Variants in GALNTL6 observed in about 807,000 individuals in gnomAD.
GALNTL6 encodes polypeptide N-acetylgalactosaminyltransferase-like 6.
In GALNTL6, 46 loss-of-function variants were observed where a neutral mutation model predicts 73.7. The ratio of observed to expected loss-of-function variants is 0.62; its 90% CI spans 0.49 to 0.80. The LOEUF is 0.80. GALNTL6 is among the 30% of genes least tolerant of loss of function. The pLI, the probability that GALNTL6 is intolerant of heterozygous loss-of-function variation, is 0.00. For synonymous variants in GALNTL6, 259 were observed against 263.7 expected, an observed-to-expected ratio of 0.98 and a Z score of 0.17; for missense variants, 604 against 755.0, an observed-to-expected ratio of 0.80 and a Z score of 2.34.
At chr4:172,583,893 CAAAAAAAA>C (rs57722016) in intron 5 of GALNTL6, among the ~76,000 whole-genome samples, 3,695 of 31,490 alleles carry the variant, frequency 0.12, 126 homozygotes, top group African/African-American at 0.25. Context: ...GACTCTGTCT[CAAAAAAAA>C]AAAAAAAAAA....
intron 5 of GALNTL6, among the ~76,000 whole-genome samples, chr4:172,663,342 G>A (rs1227959313): frequency 1.3e-5 from 2 of 152,132 alleles, no homozygotes; most frequent in Non-Finnish European, 1.5e-5. Context: ...AATGCAATCG[G>A]ACTACCAGCC....
chr4:173,012,707 C>T (rs1296252742), intron 11 of GALNTL6, among the ~76,000 whole-genome samples: 1 of 152,240 alleles, frequency 6.6e-6, no homozygotes, highest in Non-Finnish European at 1.5e-5. Context: ...TCCTGCCTTC[C>T]TTCTCTCAAA....
chr4:172,089,738 C>G (rs935881403), intron 2 of GALNTL6, among the ~76,000 whole-genome samples: 1 of 152,106 alleles, frequency 6.6e-6, no homozygotes, highest in African/African-American at 2.4e-5. Context: ...TTCTGGGTTA[C>G]ATGTGAAGAA....
intron 5 of GALNTL6, among the ~76,000 whole-genome samples, chr4:172,733,985 G>A (rs1202078015): frequency 6.6e-6 from 1 of 152,186 alleles, no homozygotes; most frequent in Non-Finnish European, 1.5e-5. Context: ...GAACTTCCTA[G>A]AGACTTGTTG....
At chr4:172,338,612 G>T (rs983632179) in intron 4 of GALNTL6, among the ~76,000 whole-genome samples, 1 of 152,110 alleles carries the variant, frequency 6.6e-6, no homozygotes, top group Admixed American at 6.5e-5. Flanking sequence ...TATCACTTCT[G>T]GGTAAAAGCC....
intron 5 of GALNTL6, among the ~76,000 whole-genome samples, chr4:172,682,541 T>C (rs1732685854): frequency 6.6e-6 from 1 of 152,178 alleles, no homozygotes; most frequent in Admixed American, 6.6e-5. Flanking sequence ...CACTAGTATG[T>C]GAATTTCAGA....
intron 5 of GALNTL6, among the ~76,000 whole-genome samples, chr4:172,712,194 A>C (rs1006993607): frequency 6.6e-6 from 1 of 152,222 alleles, no homozygotes; most frequent in Non-Finnish European, 1.5e-5. Flanking sequence ...TAAGAAAAAA[A>C]CTTGCTACAA....
intron 2 of GALNTL6, among the ~76,000 whole-genome samples, chr4:172,049,542 A>G (rs1197205850): frequency 6.6e-6 from 1 of 152,174 alleles, no homozygotes; most frequent in Non-Finnish European, 1.5e-5. Context: ...ATATAATCAT[A>G]GAATTGCACA....
intron 5 of GALNTL6, among the ~76,000 whole-genome samples, chr4:172,486,059 A>G (rs1371689400): frequency 6.6e-6 from 1 of 152,198 alleles, no homozygotes. Flanking sequence ...GGTAGCATCT[A>G]AACTGCTCAG....
intron 2 of GALNTL6, among the ~76,000 whole-genome samples, chr4:172,193,803 C>G (rs973675627): frequency 1.3e-5 from 2 of 152,106 alleles, no homozygotes; most frequent in African/African-American, 4.8e-5. Context: ...GCGGAACTTG[C>G]AGTGAGCTGA....
chr4:172,712,567 C>G (rs1734776726), intron 5 of GALNTL6, among the ~76,000 whole-genome samples: 1 of 151,952 alleles, frequency 6.6e-6, no homozygotes, highest in Non-Finnish European at 1.5e-5. Flanking sequence ...TCTGGTGGTC[C>G]TTGAGGTAAT....
At chr4:172,846,418 T>A (rs896497192) in intron 7 of GALNTL6, among the ~76,000 whole-genome samples, 1 of 152,192 alleles carries the variant, frequency 6.6e-6, no homozygotes, top group African/African-American at 2.4e-5. Flanking sequence ...CATCTCGTTA[T>A]CTGTCTTCTG....
At chr4:171,843,516 C>T (rs113602068) in intron 2 of GALNTL6, among the ~76,000 whole-genome samples, 46 of 152,060 alleles carry the variant, frequency 3.0e-4, no homozygotes, top group African/African-American at 1.1e-3. Context: ...TATTTAGATT[C>T]TACCTATTTT....
At chr4:171,997,274 T>A (rs1740522341) in intron 2 of GALNTL6, among the ~76,000 whole-genome samples, 1 of 152,028 alleles carries the variant, frequency 6.6e-6, no homozygotes, top group Non-Finnish European at 1.5e-5. Context: ...CCAATCAGCT[T>A]TTACCACTTC....
chr4:172,217,342 A>G (rs183945776), intron 2 of GALNTL6, among the ~76,000 whole-genome samples: 52 of 152,310 alleles, frequency 3.4e-4, no homozygotes, highest in African/African-American at 1.2e-3. Context: ...GTAAGTCGCA[A>G]TATATAGGGT....
At chr4:172,180,338 G>A (rs1186396742) in intron 2 of GALNTL6, among the ~76,000 whole-genome samples, 4 of 151,738 alleles carry the variant, frequency 2.6e-5, no homozygotes, top group Admixed American at 1.3e-4. Context: ...TCTAGATTCT[G>A]GATATTAGCC....
At chr4:172,584,322 T>G (rs981455497) in intron 5 of GALNTL6, among the ~76,000 whole-genome samples, 1 of 152,052 alleles carries the variant, frequency 6.6e-6, no homozygotes, top group African/African-American at 2.4e-5. Flanking sequence ...AAATTACATG[T>G]GAGAGAAAGA....
rs943560103 is a variant in GALNTL6, at chr4:172,878,593, C to A, written c.924-4197C>A. Among the ~76,000 whole-genome samples, 14 of 151,446 alleles carry A rather than the reference C, an allele frequency of 9.2e-5. 1 individual carries two copies. The highest frequency in any genetic ancestry group is 2.4e-5 in the African/African-American group (1 of 41,282). The stretch of plus-strand genomic sequence containing the variant: ...ATAAAAGAAAGGTATATGCCATAAA[C>A]CATTATGATAACAAAGAAACCACTT... On this transcript the variant is annotated intron_variant, in intron 7 of 12. Transcript: ENST00000506823.
intron 11 of GALNTL6, among the ~76,000 whole-genome samples, chr4:173,016,465 C>T (rs1561088581): frequency 6.6e-6 from 1 of 152,222 alleles, no homozygotes; most frequent in Non-Finnish European, 1.5e-5. Context: ...CTTCTTGCAT[C>T]AGCATAACCT....
Sources: allele counts gnomAD v4.1 joint callset (sites outside exome capture counted in the v4.1 genomes callset), GRCh38; gene constraint gnomAD v4.1.1; transcripts MANE v1.5; gene names NCBI Gene and HGNC (gene_info 2026-07-23, HGNC 2026-07-21).